SRRT: variants seen among roughly 807,000 people sequenced by gnomAD.
SRRT encodes the protein serrate, RNA effector molecule.
Under a neutral mutation model 103.2 loss-of-function variants are expected in SRRT, and 32 were observed. That is an observed-to-expected ratio of 0.31 (90% CI 0.23 to 0.42). The LOEUF is 0.42. Among genes scored for constraint, SRRT ranks in the 10% least tolerant of loss-of-function variants. The probability of loss-of-function intolerance (pLI) is 1.00; values close to 1 mark genes in which losing one functional copy is unlikely to be tolerated. For missense variants in SRRT, 986 were observed against 1,207.5 expected (o/e 0.82, Z 2.72); for synonymous variants, 525 against 449.0 (o/e 1.17, Z -2.14).
Position 100,882,476 on chromosome 7 carries a change from GCAGCAGGCCAGA to G in SRRT, c.587+236_587+247del. 3 of 469,556 alleles carry G rather than the reference GCAGCAGGCCAGA, an allele frequency of 6.4e-6. No individual in the cohort carries two copies. The highest frequency in any genetic ancestry group is 1.1e-5 in the Non-Finnish European group (3 of 262,472). The allele number at this position is 469,556 out of a possible 1,614,324, so 29.1% of individuals were successfully genotyped here. ...TCCTCAGAGAGTGGGACACCTCCAG[GCAGCAGGCCAGA>G]GCCACTTGGCCCCTTGGGGCAGCAG... On this transcript the variant is annotated intron_variant, in intron 5 of 19. Transcript: ENST00000611405. This position sits in a 1 kb window ranked among gnomAD's most constrained non-coding sequence, Gnocchi z 4.2.
Position 100,875,297 on chromosome 7 carries a change from A to C in SRRT, c.-50A>C. 2.1e-6 allele frequency: 2 copies of C among 975,046 alleles called. No homozygotes were observed. Among genetic ancestry groups the C allele is most frequent in the Non-Finnish European group, 2.7e-6 (2 of 753,868 alleles). 60.4% of individuals were successfully genotyped at this position (975,046 alleles called of 1,614,324 possible). A position where few individuals can be genotyped will look rare whatever the true frequency, so the allele number is the denominator to read the frequency against. ...GTCGCCCTGAAATCTAGCCCGTCCG[A>C]GCGCGAGTCCAACGGCCGCGGCCGC... is the stretch of plus-strand genomic sequence containing the variant. On this transcript the variant is annotated 5_prime_UTR_variant, in exon 1 of 20. Transcript: ENST00000611405.
Position 100,881,710 on chromosome 7 carries a change from T to TGG in SRRT, c.310_311dup (p.Gly105ValfsTer45), listed in dbSNP as rs768261567. ...ACAGTGGCTATGAGATGCCCTATGC[T>TGG]GGGGGGGGTGGGGGCCCAACTTATG... On this transcript the variant is annotated frameshift_variant, in exon 4 of 20. Coordinates refer to ENST00000611405, the MANE Select transcript of SRRT (RefSeq NM_015908.6). LOFTEE classifies it high-confidence loss of function. 1.2e-6 allele frequency: 2 copies of TGG among 1,606,056 alleles called. No homozygotes were observed.
At chr7:100,886,564 G>A (rs927428747) in intron 13 of SRRT, 129 bp downstream of exon 13, 5 of 1,068,274 alleles carry the variant, frequency 4.7e-6, no homozygotes, top group East Asian at 2.6e-5. Flanking sequence ...TTGCCCCTTC[G>A]TGTGTGGGTA....
At position 100,887,252 on chromosome 7, in the gene SRRT, A is replaced by G. The variant is rs759197829; in HGVS notation, c.1975+52A>G. On this transcript the variant is annotated intron_variant, in intron 15 of 19. Transcript: ENST00000611405. This position sits in a 1 kb window ranked among gnomAD's most constrained non-coding sequence, Gnocchi z 4.1. ...CGGCTGCCCCTGGCCTTGGTCCTCC[A>G]GCCCCTTGCCACCATCCTTCCTTCT... 1.9e-6 allele frequency: 3 copies of G among 1,611,808 alleles called. No individual in the cohort carries two copies. Among genetic ancestry groups the G allele is most frequent in the Middle Eastern group, 1.7e-4 (1 of 6,052 alleles).
intron 1 of SRRT, 73 bp downstream of exon 1, chr7:100,875,401 G>A (rs749544339): frequency 7.2e-7 from 1 of 1,391,150 alleles, no homozygotes; most frequent in South Asian, 1.5e-5. Flanking sequence ...GGCGGGCGCG[G>A]AGAAACTCGG....
At chr7:100,878,405 A>G (rs1241700350) in intron 2 of SRRT, among the ~76,000 whole-genome samples, 1 of 152,172 alleles carries the variant, frequency 6.6e-6, no homozygotes, top group African/African-American at 2.4e-5. Flanking sequence ...TGAGATAGGC[A>G]GTGATGCTGA....
rs752251358 is a variant in SRRT at position 100,885,184 on chromosome 7, A to G, written c.1160-29A>G. 7 of 1,608,582 alleles carry G rather than the reference A, an allele frequency of 4.4e-6. No homozygotes were observed. Among genetic ancestry groups the G allele is most frequent in the Middle Eastern group, 1.7e-4 (1 of 6,028 alleles). On this transcript the variant is annotated intron_variant, in intron 9 of 19. Transcript: ENST00000611405. The surrounding 1 kb of genome is among the most constrained non-coding windows in gnomAD (Gnocchi z 4.8). The stretch of plus-strand genomic sequence containing the variant: ...CCACAATCAGTAATAAAAATGCACC[A>G]ACTCCTTCCTACCCCCCTTCCTGCC...
intron 12 of SRRT, 74 bp from the exon 13 acceptor site, chr7:100,886,173 A>G (rs1790080069): frequency 1.3e-6 from 2 of 1,505,146 alleles, no homozygotes; most frequent in Non-Finnish European, 1.8e-6. Flanking sequence ...CTCAAGAGGG[A>G]AGGGTCTTAG....
At position 100,884,736 on chromosome 7, in the gene SRRT, A is replaced by G. The variant is rs1391042353; in HGVS notation, c.943-4A>G. 6 of 1,613,666 alleles carry G rather than the reference A, an allele frequency of 3.7e-6. No homozygotes were observed. The highest frequency in any genetic ancestry group is 1.3e-5 in the African/African-American group (1 of 74,836). ...ACATCCCCAGTGGTTGTCTCTTACC[A>G]TAGGCTGAGAATGACAGTTCTAATG... On this transcript the variant is annotated splice_polypyrimidine_tract_variant and splice_region_variant and intron_variant, in intron 7 of 19. Coordinates refer to ENST00000611405, the MANE Select transcript of SRRT (RefSeq NM_015908.6).
Position 100,885,231 on chromosome 7 carries a change from A to AGGAGAAGCCCAAGGAAGAAGAATG in SRRT, c.1194_1217dup (p.Glu398_Lys405dup). Reference sequence around the variant, plus strand: ...TGCCTAGAAGAAGCGCTCAAGGAGAAGGAGAAGCCCAAGGAAGAAGAATGG... The same window carrying AGGAGAAGCCCAAGGAAGAAGAATG: ...TGCCTAGAAGAAGCGCTCAAGGAGAAGGAGAAGCCCAAGGAAGAAGAATGGGAGAAGCCCAAGGAAGAAGAATGG... On this transcript the variant is annotated inframe_insertion, in exon 10 of 20. Coordinates refer to ENST00000611405, the MANE Select transcript of SRRT (RefSeq NM_015908.6). The surrounding 1 kb of genome is among the most constrained non-coding windows in gnomAD (Gnocchi z 4.8). The AGGAGAAGCCCAAGGAAGAAGAATG allele has an allele frequency of 6.2e-7, 1 of 1,614,024 alleles. No individual in the cohort carries two copies. Among genetic ancestry groups the AGGAGAAGCCCAAGGAAGAAGAATG allele is most frequent in the Non-Finnish European group, 8.5e-7 (1 of 1,179,974 alleles).
At chr7:100,881,835 G>T (rs773004510) in intron 4 of SRRT, 30 bp downstream of exon 4, 9 of 1,568,774 alleles carry the variant, frequency 5.7e-6, no homozygotes, top group East Asian at 2.2e-5. Flanking sequence ...GAAGAGGGTT[G>T]GTAGGCCTGG....
rs1484822498 is a variant in SRRT, at chr7:100,886,301, C to T, written c.1513C>T (p.Arg505Cys). The part of the protein sequence containing the change: ...GVNRDLTRRV[R>C]NINGITQHKQ... Reference sequence around the variant, plus strand: ...GAACAGGGACCTGACCCGGCGCGTTCGCAACATCAACGGCATCACCCAGCA... The same window carrying T: ...GAACAGGGACCTGACCCGGCGCGTTTGCAACATCAACGGCATCACCCAGCA... The change falls in exon 13 of 20, where the codon CGC becomes TGC. Residue 505 changes from arginine to cysteine, a missense_variant. Physicochemically the swap from Arg to Cys is radical, Grantham distance 180. Transcript: ENST00000611405. 6.2e-7 allele frequency: 1 copy of T among 1,613,472 alleles called. No individual in the cohort carries two copies. The highest frequency in any genetic ancestry group is 8.5e-7 in the Non-Finnish European group (1 of 1,180,006).
Position 100,887,263 on chromosome 7 carries a change from A to C in SRRT, c.1976-57A>C. On this transcript the variant is annotated intron_variant, in intron 15 of 19. Transcript: ENST00000611405. This position sits in a 1 kb window ranked among gnomAD's most constrained non-coding sequence, Gnocchi z 4.1. ...GGCCTTGGTCCTCCAGCCCCTTGCC[A>C]CCATCCTTCCTTCTGGCTCCCTTGC... 6.2e-7 allele frequency: 1 copy of C among 1,610,478 alleles called. No individual in the cohort carries two copies. Among genetic ancestry groups the C allele is most frequent in the Admixed American group, 1.7e-5 (1 of 59,892 alleles).
rs376723836 is a variant in SRRT at position 100,880,396 on chromosome 7, G to T, written c.123-889G>T. On this transcript the variant is annotated intron_variant, in intron 2 of 19. Coordinates refer to ENST00000611405, the MANE Select transcript of SRRT (RefSeq NM_015908.6). The stretch of plus-strand genomic sequence containing the variant: ...CGGCTCACTGCAAGCTCCGCCTCCC[G>T]GGTCCACGCCATTCTCCTGCCTCAG... Among the ~76,000 whole-genome samples the T allele has an allele frequency of 6.2e-4, 94 of 152,196 alleles. 1 individual carries two copies. The highest frequency in any genetic ancestry group is 2.1e-3 in the African/African-American group (87 of 41,518).
At chr7:100,883,266 C>T (rs1584746245) in intron 5 of SRRT, among the ~76,000 whole-genome samples, 1 of 152,206 alleles carries the variant, frequency 6.6e-6, no homozygotes, top group Non-Finnish European at 1.5e-5. Context: ...CCACCTTCTT[C>T]CCTGTTGGTT....
In SRRT at chr7:100,884,778, G is replaced by T. The variant is rs766445211; in HGVS notation, c.981G>T (p.Lys327Asn). 6 of 1,613,970 alleles carry T rather than the reference G, an allele frequency of 3.7e-6. No homozygotes were observed. The African/African-American group carries it at 6.7e-5, about 18-fold the overall frequency. Residue 327 changes from lysine to asparagine, a missense_variant, in exon 8 of 20, where the codon AAG (lysine) becomes AAT (asparagine). Lys to Asn is a moderately conservative substitution (Grantham distance 94, BLOSUM62 0). This residue lies in a region of SRRT where 166 missense variants were observed against 148.6 expected (regional missense o/e 1.12). Transcript: ENST00000611405. ...NDSSNDDKTK[K>N]SEGDGDKEEK... is the part of the protein sequence containing the mutation. ...GTTCTAATGATGACAAAACAAAGAA[G>T]TCGGAGGGTGATGGGGACAAGGAAG...
intron 2 of SRRT, among the ~76,000 whole-genome samples, chr7:100,879,739 C>T (rs1332801344): frequency 4.0e-5 from 6 of 148,882 alleles, no homozygotes; most frequent in African/African-American, 7.4e-5. Flanking sequence ...GCCCAGGAGG[C>T]GGAGGCTGTA....
Position 100,885,287 on chromosome 7 carries a change from T to C in SRRT, c.1234T>C (p.Cys412Arg). 1 of 1,613,726 alleles carries C rather than the reference T, an allele frequency of 6.2e-7. No individual in the cohort carries two copies. The highest frequency in any genetic ancestry group is 8.5e-7 in the Non-Finnish European group (1 of 1,179,926). The stretch of plus-strand genomic sequence containing the variant: ...GCCCAAGGACGCCGCGGGGCTGGAG[T>C]GCAAGCCGCGGCCGCTGCATAAGAC... The part of the protein sequence containing the change: ...EKPKDAAGLE[C>R]KPRPLHKTCS... Residue 412 changes from cysteine to arginine, a missense_variant, in exon 10 of 20, where the codon TGC becomes CGC. By Grantham distance (180) the Cys-to-Arg change is radical. Transcript: ENST00000611405. The surrounding 1 kb of genome is among the most constrained non-coding windows in gnomAD (Gnocchi z 4.8).
Position 100,881,763 on chromosome 7 carries a change from A to C in SRRT, c.356A>C (p.Asp119Ala). The C allele has an allele frequency of 6.2e-7, 1 of 1,613,532 alleles. No individual in the cohort carries two copies. Among genetic ancestry groups the C allele is most frequent in the Non-Finnish European group, 8.5e-7 (1 of 1,179,886 alleles). ...YGPPQPWGHP[D>A]VHIMQHHVLP... Reference sequence around the variant, plus strand: ...CCCCCTCAGCCCTGGGGCCACCCTGACGTCCACATCATGCAGCACCATGTC... The same window carrying C: ...CCCCCTCAGCCCTGGGGCCACCCTGCCGTCCACATCATGCAGCACCATGTC... Residue 119 changes from aspartate to alanine, a missense_variant, in exon 4 of 20, where the codon GAC (aspartate) becomes GCC (alanine). Physicochemically the swap from Asp to Ala is moderately radical, Grantham distance 126 (BLOSUM62 -2). This residue lies in a region of SRRT where 274 missense variants were observed against 358.5 expected (regional missense o/e 0.76). Coordinates refer to ENST00000611405, the MANE Select transcript of SRRT (RefSeq NM_015908.6).
Sources: gnomAD v4.1 joint callset for allele counts (sites outside exome capture counted in the v4.1 genomes callset) on GRCh38, gnomAD v4.1.1 for gene constraint, gnomAD v4.1.1 regional missense constraint, Gnocchi (gnomAD v3.1) non-coding constraint, MANE v1.5 for transcripts, NCBI Gene and HGNC (gene_info 2026-07-23, HGNC 2026-07-21) for gene names.